Variants in NPAS3 observed in about 807,000 individuals in gnomAD.
The protein encoded by NPAS3 is neuronal PAS domain-containing protein 3.
A neutral mutation model predicts 73.1 loss-of-function variants in NPAS3; 14 were observed. That is an observed-to-expected ratio of 0.19 (90% CI 0.13 to 0.30). NPAS3 has a LOEUF of 0.30. Among genes scored for constraint, NPAS3 ranks in the 10% least tolerant of loss-of-function variants. The pLI, the probability that NPAS3 is intolerant of heterozygous loss-of-function variation, is 1.00. For missense variants in NPAS3, 1,096 were observed against 1,250.0 expected, an observed-to-expected ratio of 0.88 and a Z score of 1.86; for synonymous variants, 620 against 541.5, an observed-to-expected ratio of 1.14 and a Z score of -2.01.
intron 2 of NPAS3, among the ~76,000 whole-genome samples, chr14:33,124,687 TAACTC>T (rs1208169212): frequency 6.6e-6 from 1 of 152,112 alleles, no homozygotes; most frequent in Non-Finnish European, 1.5e-5. Context: ...GAGAAAACCT[TAACTC>T]AGGAGAGGAA....
At chr14:33,153,905 G>A (rs1472001861) in intron 2 of NPAS3, among the ~76,000 whole-genome samples, 1 of 152,046 alleles carries the variant, frequency 6.6e-6, no homozygotes, top group Non-Finnish European at 1.5e-5. Context: ...ACCACAAAAA[G>A]TTTCATGGCT....
At chr14:33,422,819 T>G (rs566447064) in intron 4 of NPAS3, among the ~76,000 whole-genome samples, 1 of 152,108 alleles carries the variant, frequency 6.6e-6, no homozygotes, top group South Asian at 2.1e-4. Flanking sequence ...CAAAGATTGA[T>G]GCAAAGGAGC....
chr14:33,200,503 C>T (rs1319819925), intron 2 of NPAS3, among the ~76,000 whole-genome samples: 1 of 152,078 alleles, frequency 6.6e-6, no homozygotes, highest in African/African-American at 2.4e-5. Flanking sequence ...TGAAAAGCTT[C>T]ATACCCATAC....
At chr14:33,544,803 T>TA (rs1192580526) in intron 4 of NPAS3, among the ~76,000 whole-genome samples, 9 of 94,742 alleles carry the variant, frequency 9.5e-5, no homozygotes, top group African/African-American at 4.4e-4. Flanking sequence ...TATATATATA[T>TA]ATATATATGT....
intron 4 of NPAS3, among the ~76,000 whole-genome samples, chr14:33,477,060 C>T (rs2051067507): frequency 6.6e-6 from 1 of 152,158 alleles, no homozygotes; most frequent in South Asian, 2.1e-4. Context: ...AGTTTGTCAA[C>T]ACCCTTTTTA....
intron 5 of NPAS3, chr14:33,612,569 CTG>C (rs1251476251): frequency 8.8e-6 from 4 of 452,132 alleles, no homozygotes; most frequent in African/African-American, 6.0e-5. Flanking sequence ...AAAATAAACT[CTG>C]TATACTTGCT....
intron 2 of NPAS3, among the ~76,000 whole-genome samples, chr14:33,150,308 A>G (rs1331771624): frequency 1.3e-5 from 2 of 152,236 alleles, no homozygotes; most frequent in Non-Finnish European, 2.9e-5. Flanking sequence ...ACTGTCTTTC[A>G]GCACTCATCC....
chr14:33,326,794 C>T (rs1024682508), intron 3 of NPAS3, among the ~76,000 whole-genome samples: 25 of 152,106 alleles, frequency 1.6e-4, no homozygotes, highest in African/African-American at 6.0e-4. Flanking sequence ...AAAGACAGAC[C>T]ACAGGTTCCA....
intron 3 of NPAS3, among the ~76,000 whole-genome samples, chr14:33,235,723 C>T (rs1168601837): frequency 1.3e-5 from 2 of 151,504 alleles, no homozygotes; most frequent in African/African-American, 4.9e-5. Context: ...TCTTATCACT[C>T]TCAGAGACAC....
At chr14:33,492,160 C>A (rs2051929095) in intron 4 of NPAS3, among the ~76,000 whole-genome samples, 2 of 152,058 alleles carry the variant, frequency 1.3e-5, no homozygotes, top group Admixed American at 6.6e-5. Flanking sequence ...AGATGTGTAA[C>A]CCCATTAACA....
intron 6 of NPAS3, among the ~76,000 whole-genome samples, chr14:33,707,068 T>A (rs1043829955): frequency 6.6e-6 from 1 of 152,222 alleles, no homozygotes; most frequent in East Asian, 1.9e-4. Context: ...GGGGGAGAGA[T>A]AACATTTATT....
intron 2 of NPAS3, among the ~76,000 whole-genome samples, chr14:33,194,742 AT>A (rs2046290018): frequency 6.6e-6 from 1 of 152,036 alleles, no homozygotes; most frequent in African/African-American, 2.4e-5. Context: ...TAAAAAAGGC[AT>A]GAGTCACTTG....
At chr14:33,759,162 A>G (rs2062206802) in intron 7 of NPAS3, among the ~76,000 whole-genome samples, 1 of 152,240 alleles carries the variant, frequency 6.6e-6, no homozygotes, top group South Asian at 2.1e-4. Context: ...TTTCTTATAA[A>G]TAAATTACCA....
chr14:32,974,975 A>C (rs2037592961), intron 1 of NPAS3, among the ~76,000 whole-genome samples: 1 of 152,220 alleles, frequency 6.6e-6, no homozygotes, highest in South Asian at 2.1e-4. Flanking sequence ...TCTGATTAAT[A>C]AAGTAGTCTG....
upstream of NPAS3, among the ~76,000 whole-genome samples, chr14:32,937,716 TCTTAAG>T (rs1488169001): frequency 6.6e-6 from 1 of 152,212 alleles, no homozygotes; most frequent in Admixed American, 6.5e-5. Flanking sequence ...TTTATTTTTT[TCTTAAG>T]CTTAAAGTCA....
chr14:33,430,019 C>T (rs2048716820), intron 4 of NPAS3, among the ~76,000 whole-genome samples: 1 of 152,046 alleles, frequency 6.6e-6, no homozygotes, highest in Admixed American at 6.6e-5. Flanking sequence ...CATTTAGATA[C>T]AAGGGGGTGT....
At chr14:33,177,709 GT>G (rs1265396899) in intron 2 of NPAS3, among the ~76,000 whole-genome samples, 1 of 152,114 alleles carries the variant, frequency 6.6e-6, no homozygotes, top group Non-Finnish European at 1.5e-5. Flanking sequence ...CAACTTCATT[GT>G]TTTGCATGTG....
At chr14:33,736,890 A>C (rs1347088283) in intron 7 of NPAS3, among the ~76,000 whole-genome samples, 1 of 152,190 alleles carries the variant, frequency 6.6e-6, no homozygotes, top group Non-Finnish European at 1.5e-5. Flanking sequence ...TTTTCATACC[A>C]CAAACTAGAG....
intron 9 of NPAS3, among the ~76,000 whole-genome samples, chr14:33,783,489 G>A (rs541731145): frequency 2.0e-5 from 3 of 151,658 alleles, no homozygotes; most frequent in South Asian, 2.1e-4. Flanking sequence ...AGCCTTCATC[G>A]TGTGCCTGGC....
Sources: allele counts gnomAD v4.1 joint callset (sites outside exome capture counted in the v4.1 genomes callset), GRCh38; gene constraint gnomAD v4.1.1; transcripts MANE v1.5; gene names NCBI Gene and HGNC (gene_info 2026-07-23, HGNC 2026-07-21).